The following RXFP3 variants were observed in gnomAD, a reference collection of about 807,000 sequenced individuals.
The protein encoded by RXFP3 is relaxin-3 receptor 1.
RXFP3 carries 31 observed loss-of-function variants against 27.3 expected under a neutral mutation model. The ratio of observed to expected loss-of-function variants is 1.13; its 90% CI spans 0.85 to 1.53. RXFP3 has a LOEUF of 1.53. Ranked by LOEUF, RXFP3 falls within the 40% of genes most tolerant of loss-of-function variation. The pLI is 0.00. For synonymous variants in RXFP3, 351 were observed against 293.6 expected (o/e 1.20, Z -2.00); for missense variants, 684 against 642.1 (o/e 1.07, Z -0.70).
rs762944369 is a variant in RXFP3 at position 33,937,013 on chromosome 5, G to C, written c.273G>C (p.Val91=). 1.1e-4 allele frequency: 172 copies of C among 1,613,972 alleles called. No homozygotes were observed. Among genetic ancestry groups the C allele is most frequent in the Non-Finnish European group, 1.4e-4 (165 of 1,180,048 alleles). The change falls in exon 1 of 1, where the codon GTG becomes GTC. Residue 91 remains valine (V), a synonymous_variant. Coordinates refer to ENST00000330120, the MANE Select transcript of RXFP3 (RefSeq NM_016568.3). Reference sequence around the variant, plus strand: ...TCATCAGCGTGGTGTACTGGGTGGTGTGCGCCCTGGGGTTGGCGGGCAACC... The same window carrying C: ...TCATCAGCGTGGTGTACTGGGTGGTCTGCGCCCTGGGGTTGGCGGGCAACC... ...RILISVVYWV[V]CALGLAGNLL...
chr5:33,937,077 C>A lies in RXFP3; in HGVS notation c.337C>A (p.Arg113Ser). The change falls in exon 1 of 1, where the codon CGC becomes AGC. Residue 113 changes from arginine to serine, a missense_variant. Physicochemically the swap from Arg to Ser is moderately radical, Grantham distance 110. Transcript: ENST00000330120. ...LYLMKSMQGW[R>S]KSSINLFVTN... ...CCTGATGAAGAGCATGCAGGGCTGG[C>A]GCAAGTCCTCTATCAACCTCTTCGT... The A allele has an allele frequency of 6.2e-7, 1 of 1,614,194 alleles. No individual in the cohort carries two copies. Among genetic ancestry groups the A allele is most frequent in the South Asian group, 1.1e-5 (1 of 91,066 alleles).
Position 33,937,146 on chromosome 5 carries a change from C to T in RXFP3, c.406C>T (p.Pro136Ser), listed in dbSNP as rs150737113. 3.7e-6 allele frequency: 6 copies of T among 1,613,114 alleles called. No homozygotes were observed. Among genetic ancestry groups the T allele is most frequent in the Non-Finnish European group, 5.1e-6 (6 of 1,179,134 alleles). The change falls in exon 1 of 1, where the codon CCC (proline) becomes TCC (serine). Residue 136 changes from proline to serine, a missense_variant. Pro to Ser is a moderately conservative substitution (Grantham distance 74). Coordinates refer to ENST00000330120, the MANE Select transcript of RXFP3 (RefSeq NM_016568.3). ...LTDFQFVLTL[P>S]FWAVENALDF... ...GGACTTTCAGTTTGTGCTCACCCTG[C>T]CCTTCTGGGCGGTGGAGAACGCTCT... is the stretch of plus-strand genomic sequence containing the variant.
rs1264025527 is a variant in RXFP3 at position 33,937,348 on chromosome 5, G to A, written c.608G>A (p.Gly203Asp). The A allele has an allele frequency of 6.2e-7, 1 of 1,612,646 alleles. No individual in the cohort carries two copies. The highest frequency in any genetic ancestry group is 8.5e-7 in the Non-Finnish European group (1 of 1,179,964). ...GGACACGGCCGGGGCGACTGCTGCGGCCGGAGCCTGGGGGACAGCTGCTGC... is the reference window on the plus strand; with the variant it reads ...GGACACGGCCGGGGCGACTGCTGCGACCGGAGCCTGGGGGACAGCTGCTGC... The part of the protein sequence containing the change: ...TRGHGRGDCC[G>D]RSLGDSCCFS... The change falls in exon 1 of 1, where the codon GGC becomes GAC. Residue 203 changes from glycine to aspartate, a missense_variant. Coordinates refer to ENST00000330120, the MANE Select transcript of RXFP3 (RefSeq NM_016568.3).
Position 33,936,987 on chromosome 5 carries a change from C to G in RXFP3, c.247C>G (p.Leu83Val). Residue 83 changes from leucine to valine, a missense_variant, in exon 1 of 1, where the codon CTC becomes GTC. Transcript: ENST00000330120. Reference sequence around the variant, plus strand: ...GGACACAGAGGCCCGGGTGCGGATTCTCATCAGCGTGGTGTACTGGGTGGT... The same window carrying G: ...GGACACAGAGGCCCGGGTGCGGATTGTCATCAGCGTGGTGTACTGGGTGGT... ...SADTEARVRI[L>V]ISVVYWVVCA... is the part of the protein sequence containing the mutation. 6.2e-7 allele frequency: 1 copy of G among 1,612,922 alleles called. No individual in the cohort carries two copies. Among genetic ancestry groups the G allele is most frequent in the Non-Finnish European group, 8.5e-7 (1 of 1,179,216 alleles).
rs774911413 is a variant in RXFP3, at chr5:33,938,070, G to A, written c.1330G>A (p.Asp444Asn). 1.9e-6 allele frequency: 3 copies of A among 1,611,294 alleles called. No homozygotes were observed. The highest frequency in any genetic ancestry group is 1.1e-5 in the South Asian group (1 of 90,994). ...PAPPHAAAEP[D>N]LLYYPPGVVV... is the part of the protein sequence containing the mutation. ...GCCGCCCCACGCGGCCGCGGAGCCGGACCTGCTCTACTACCCACCTGGCGT... is the reference window on the plus strand; with the variant it reads ...GCCGCCCCACGCGGCCGCGGAGCCGAACCTGCTCTACTACCCACCTGGCGT... The change falls in exon 1 of 1, where the codon GAC becomes AAC. Residue 444 changes from aspartate (D) to asparagine (N), a missense_variant. Coordinates refer to ENST00000330120, the MANE Select transcript of RXFP3 (RefSeq NM_016568.3).
In RXFP3 at chr5:33,936,896, G is replaced by A; in HGVS notation, c.156G>A (p.Leu52=). The A allele has an allele frequency of 6.2e-7, 1 of 1,602,656 alleles. No individual in the cohort carries two copies. The highest frequency in any genetic ancestry group is 1.1e-5 in the South Asian group (1 of 90,214). The part of the protein sequence containing the change: ...SLQLPDLWWE[L]GLELPDGAPP... ...AGCTTCCGGACTTGTGGTGGGAGCT[G>A]GGGCTGGAGTTGCCGGACGGCGCGC... Residue 52 remains leucine, a synonymous_variant, in exon 1 of 1, where the codon CTG becomes CTA. Transcript: ENST00000330120.
rs145194382 is a variant in RXFP3 at position 33,937,297 on chromosome 5, C to A, written c.557C>A (p.Ser186Ter). 6 of 1,613,084 alleles carry A rather than the reference C, an allele frequency of 3.7e-6. No individual in the cohort carries two copies. Among genetic ancestry groups the A allele is most frequent in the Non-Finnish European group, 2.5e-6 (3 of 1,179,970 alleles). The change falls in exon 1 of 1, where the codon TCG becomes TAG. Residue 186 changes from serine (S) to a stop codon, truncating the protein, a stop_gained. Transcript: ENST00000330120. LOFTEE classifies it high-confidence loss of function. ...MSVTRYHSVASALKSHRTRGH... is the reference protein window; with the variant it reads ...MSVTRYHSVA ...GTGACGCGCTACCATTCGGTGGCCT[C>A]GGCTCTGAAGAGCCACCGGACCCGA... is the stretch of plus-strand genomic sequence containing the variant.
Position 33,937,633 on chromosome 5 carries a change from G to T in RXFP3, c.893G>T (p.Arg298Leu), listed in dbSNP as rs764438536. Reference sequence around the variant, plus strand: ...CTGGTGCGCTTCATCGCCGACCGCCGCGCGGCGGGGACCAAAGGAGGGGCC... The same window carrying T: ...CTGGTGCGCTTCATCGCCGACCGCCTCGCGGCGGGGACCAAAGGAGGGGCC... ...LLLVRFIADRRAAGTKGGAAV... is the reference protein window; with the variant it reads ...LLLVRFIADRLAAGTKGGAAV... Residue 298 changes from arginine (R) to leucine (L), a missense_variant, in exon 1 of 1, where the codon CGC (arginine) becomes CTC (leucine). By Grantham distance (102) the Arg-to-Leu change is moderately radical. Coordinates refer to ENST00000330120, the MANE Select transcript of RXFP3 (RefSeq NM_016568.3). 4.4e-6 allele frequency: 7 copies of T among 1,593,484 alleles called. No homozygotes were observed. The highest frequency in any genetic ancestry group is 5.1e-6 in the Non-Finnish European group (6 of 1,170,244).
At position 33,937,963 on chromosome 5, in the gene RXFP3, C is replaced by A; in HGVS notation, c.1223C>A (p.Ala408Glu). Reference sequence around the variant, plus strand: ...CTCAAGAGCCTGCTGTGGCGCATCGCGTCTCCTTCGATCACCAGCATGCGC... The same window carrying A: ...CTCAAGAGCCTGCTGTGGCGCATCGAGTCTCCTTCGATCACCAGCATGCGC... Reference protein sequence around the residue: ...KALKSLLWRIASPSITSMRPF... With the variant: ...KALKSLLWRIESPSITSMRPF... Residue 408 changes from alanine to glutamate, a missense_variant, in exon 1 of 1, where the codon GCG becomes GAG. Transcript: ENST00000330120. 6.2e-7 allele frequency: 1 copy of A among 1,613,260 alleles called. No homozygotes were observed.
chr5:33,936,707 T>G lies in RXFP3; in HGVS notation c.-34T>G, dbSNP rs533035395. On this transcript the variant is annotated 5_prime_UTR_variant, in exon 1 of 1. Transcript: ENST00000330120. ...GGGTAAACCGTGTTATCTTAGGTCT[T>G]GTCCCCCAGAACATGACCTAGAGGT... 1.2e-5 allele frequency: 18 copies of G among 1,501,570 alleles called. No individual in the cohort carries two copies. The highest frequency in any genetic ancestry group is 1.5e-5 in the Non-Finnish European group (17 of 1,123,240). 93.0% of individuals were successfully genotyped at this position (1,501,570 alleles called of 1,614,324 possible). A position where few individuals can be genotyped will look rare whatever the true frequency, so the allele number is the denominator to read the frequency against.
Position 33,936,950 on chromosome 5 carries a change from G to A in RXFP3, c.210G>A (p.Gly70=). The A allele has an allele frequency of 6.2e-7, 1 of 1,604,836 alleles. No homozygotes were observed. Reference sequence around the variant, plus strand: ...CAGGACATCCCCCGGGCAGCGGCGGGGCAGAGAGCGCGGACACAGAGGCCC... The same window carrying A: ...CAGGACATCCCCCGGGCAGCGGCGGAGCAGAGAGCGCGGACACAGAGGCCC... ...APPGHPPGSG[G]AESADTEARV... is the part of the protein sequence containing the mutation. The change falls in exon 1 of 1, where the codon GGG becomes GGA. Residue 70 remains glycine (G), a synonymous_variant. Transcript: ENST00000330120.
chr5:33,938,012 G>C lies in RXFP3; in HGVS notation c.1272G>C (p.Pro424=), dbSNP rs1452068975. The C allele has an allele frequency of 2.5e-6, 4 of 1,612,744 alleles. No homozygotes were observed. The Admixed American group carries it at 6.7e-5, about 27-fold the overall frequency. The change falls in exon 1 of 1, where the codon CCG becomes CCC. Residue 424 remains proline (P), a synonymous_variant. Transcript: ENST00000330120. ...GCCCCTTCACCGCCACTACCAAGCC[G>C]GAGCACGAGGATCAGGGGCTGCAGG... ...SMRPFTATTK[P]EHEDQGLQAP...
Position 33,936,652 on chromosome 5 carries a change from G to A in RXFP3, c.-89G>A. The A allele has an allele frequency of 2.3e-6, 3 of 1,294,824 alleles. No individual in the cohort carries two copies. The highest frequency in any genetic ancestry group is 4.8e-5 in the East Asian group (2 of 41,450). 80.2% of individuals were successfully genotyped at this position (1,294,824 alleles called of 1,614,324 possible). ...AGCTGCTTTGAAAGCTCCCACGCAC[G>A]TCCCGCAGGCTAGCCTGGCAACAAA... On this transcript the variant is annotated 5_prime_UTR_variant, in exon 1 of 1. Coordinates refer to ENST00000330120, the MANE Select transcript of RXFP3 (RefSeq NM_016568.3).
Position 33,936,560 on chromosome 5 carries a change from T to G in RXFP3, c.-181T>G, listed in dbSNP as rs1402193168. 1.9e-6 allele frequency: 1 copy of G among 527,252 alleles called. No individual in the cohort carries two copies. The highest frequency in any genetic ancestry group is 3.2e-6 in the Non-Finnish European group (1 of 314,428). 32.7% of individuals were successfully genotyped at this position (527,252 alleles called of 1,614,324 possible). On this transcript the variant is annotated 5_prime_UTR_variant, in exon 1 of 1. Transcript: ENST00000330120. ...CAAAGCAGCCGCTGAGCTCAACTCC[T>G]GCGTCCAGGGCGTTCGCTGCGCGCC...
In RXFP3 at chr5:33,937,611, G is replaced by T. The variant is rs756327467; in HGVS notation, c.871G>T (p.Val291Leu). 1 of 1,579,900 alleles carries T rather than the reference G, an allele frequency of 6.3e-7. No homozygotes were observed. The highest frequency in any genetic ancestry group is 1.1e-5 in the South Asian group (1 of 87,492). ...CATTATCTTGTGCTACCTGCTGCTG[G>T]TGCGCTTCATCGCCGACCGCCGCGC... ...GIIILCYLLL[V>L]RFIADRRAAG... is the part of the protein sequence containing the mutation. Residue 291 changes from valine to leucine, a missense_variant, in exon 1 of 1, where the codon GTG (valine) becomes TTG (leucine). By Grantham distance (32) the Val-to-Leu change is conservative. Coordinates refer to ENST00000330120, the MANE Select transcript of RXFP3 (RefSeq NM_016568.3).
Position 33,937,655 on chromosome 5 carries a change from G to A in RXFP3, c.915G>A (p.Gly305=), listed in dbSNP as rs1468352087. ...ADRRAAGTKG[G]AAVAGGRPTG... ...GCCGCGCGGCGGGGACCAAAGGAGG[G>A]GCCGCGGTAGCCGGAGGACGCCCGA... is the stretch of plus-strand genomic sequence containing the variant. Residue 305 remains glycine, a synonymous_variant, in exon 1 of 1, where the codon GGG becomes GGA. Coordinates refer to ENST00000330120, the MANE Select transcript of RXFP3 (RefSeq NM_016568.3). 1.2e-6 allele frequency: 2 copies of A among 1,605,244 alleles called. No individual in the cohort carries two copies. Among genetic ancestry groups the A allele is most frequent in the African/African-American group, 1.3e-5 (1 of 74,854 alleles).
chr5:33,937,106 C>T lies in RXFP3; in HGVS notation c.366C>T (p.Thr122=), dbSNP rs201847475. 25 of 1,613,362 alleles carry T rather than the reference C, an allele frequency of 1.5e-5. No homozygotes were observed. Among genetic ancestry groups the T allele is most frequent in the Non-Finnish European group, 2.0e-5 (23 of 1,179,318 alleles). ...WRKSSINLFV[T]NLALTDFQFV... is the part of the protein sequence containing the mutation. The stretch of plus-strand genomic sequence containing the variant: ...AGTCCTCTATCAACCTCTTCGTCAC[C>T]AACCTGGCGCTGACGGACTTTCAGT... Residue 122 remains threonine, a synonymous_variant, in exon 1 of 1, where the codon ACC becomes ACT. Coordinates refer to ENST00000330120, the MANE Select transcript of RXFP3 (RefSeq NM_016568.3).
rs1172070987 is a variant in RXFP3 at position 33,937,557 on chromosome 5, C to T, written c.817C>T (p.Leu273=). Residue 273 remains leucine, a synonymous_variant, in exon 1 of 1, where the codon CTG becomes TTG. Transcript: ENST00000330120. ...GGGCCTCTACCACTCGCAGAAGGTG[C>T]TGCTGGGCTTCGTGCTGCCGCTGGG... is the stretch of plus-strand genomic sequence containing the variant. The part of the protein sequence containing the change: ...WLGLYHSQKV[L]LGFVLPLGII... 5 of 1,572,134 alleles carry T rather than the reference C, an allele frequency of 3.2e-6. No individual in the cohort carries two copies. Among genetic ancestry groups the T allele is most frequent in the Non-Finnish European group, 4.3e-6 (5 of 1,158,902 alleles).
In RXFP3 at chr5:33,937,591, T is replaced by C. The variant is rs774516570; in HGVS notation, c.851T>C (p.Ile284Thr). 6 of 1,571,976 alleles carry C rather than the reference T, an allele frequency of 3.8e-6. No homozygotes were observed. Among genetic ancestry groups the C allele is most frequent in the Non-Finnish European group, 5.2e-6 (6 of 1,158,866 alleles). ...LGFVLPLGII[I>T]LCYLLLVRFI... ...TTCGTGCTGCCGCTGGGCATCATTATCTTGTGCTACCTGCTGCTGGTGCGC... is the reference window on the plus strand; with the variant it reads ...TTCGTGCTGCCGCTGGGCATCATTACCTTGTGCTACCTGCTGCTGGTGCGC... The change falls in exon 1 of 1, where the codon ATC becomes ACC. Residue 284 changes from isoleucine (I) to threonine (T), a missense_variant. Physicochemically the swap from Ile to Thr is moderately conservative, Grantham distance 89. Coordinates refer to ENST00000330120, the MANE Select transcript of RXFP3 (RefSeq NM_016568.3).
Sources: allele counts gnomAD v4.1 joint callset, GRCh38; gene constraint gnomAD v4.1.1; transcripts MANE v1.5; gene names NCBI Gene and HGNC (gene_info 2026-07-23, HGNC 2026-07-21).